TARS1: variants seen among roughly 807,000 people sequenced by gnomAD.
TARS1 encodes threonyl-tRNA synthetase 1, also known as threonine--tRNA ligase 1, cytoplasmic.
A neutral mutation model predicts 97.7 loss-of-function variants in TARS1; 57 were observed. The ratio of observed to expected loss-of-function variants is 0.58; its 90% confidence interval spans 0.47 to 0.73. The LOEUF (loss-of-function observed/expected upper bound fraction) is 0.73, where lower values mean the gene tolerates loss of function less well. Ranked by LOEUF, TARS1 falls within the 30% of genes least tolerant of loss-of-function variation. TARS1 has a pLI of 0.00. For synonymous variants in TARS1, 312 were observed against 293.7 expected, an observed-to-expected ratio of 1.06 and a Z score of -0.64; for missense variants, 806 against 888.3, an observed-to-expected ratio of 0.91 and a Z score of 1.18.
intron 3 of TARS1, among the ~76,000 whole-genome samples, chr5:33,449,445 C>CTTTTTTTTTTT (rs57691465): frequency 8.8e-4 from 61 of 69,160 alleles, no homozygotes; most frequent in African/African-American, 1.6e-3. Flanking sequence ...TTTTTTCTTT[C>CTTTTTTTTTTT]TTTTTTTTTT....
chr5:33,448,538 C>T lies in TARS1; in HGVS notation c.139-3C>T, dbSNP rs756133250. The T allele has an allele frequency of 1.3e-6, 2 of 1,557,718 alleles. No individual in the cohort carries two copies. Among genetic ancestry groups the T allele is most frequent in the South Asian group, 2.4e-5 (2 of 81,988 alleles). The stretch of plus-strand genomic sequence containing the variant: ...ATTTCCTGATTTGTTTGTTGTCTTG[C>T]AGTTGAATCCTTGGCCTGAATATAT... On this transcript the variant is annotated splice_region_variant and splice_polypyrimidine_tract_variant and intron_variant, in intron 2 of 18. Transcript: ENST00000265112.
At chr5:33,441,516 G>T in intron 1 of TARS1, 1 of 202,368 alleles carries the variant, frequency 4.9e-6, no homozygotes, top group Non-Finnish European at 1.0e-5. Flanking sequence ...ACATTGCAGA[G>T]CCTTATTTAA....
At chr5:33,443,304 T>TCC (rs1491324883) in intron 1 of TARS1, among the ~76,000 whole-genome samples, 1 of 134,098 alleles carries the variant, frequency 7.5e-6, no homozygotes, top group Non-Finnish European at 1.6e-5. Flanking sequence ...TTGTGGTGAT[T>TCC]CCCTCTCTCT....
chr5:33,458,034 C>A (rs1328163004), intron 9 of TARS1, among the ~76,000 whole-genome samples: 1 of 152,108 alleles, frequency 6.6e-6, no homozygotes, highest in African/African-American at 2.4e-5. Context: ...TGGGCCCTTC[C>A]CTGAGGGCTT....
At position 33,460,953 on chromosome 5, in the gene TARS1, A is replaced by G; in HGVS notation, c.1302A>G (p.Leu434=). The G allele has an allele frequency of 6.2e-7, 1 of 1,614,136 alleles. No individual in the cohort carries two copies. The highest frequency in any genetic ancestry group is 8.5e-7 in the Non-Finnish European group (1 of 1,180,024). The change falls in exon 12 of 19, where the codon CTA becomes CTG. Residue 434 remains leucine (L), a synonymous_variant. Transcript: ENST00000265112. The stretch of plus-strand genomic sequence containing the variant: ...CCTGGCGAGAACTGCCTCTGCGGCT[A>G]GCTGATTTTGGGGTACTTCATAGGA... ...PRSWRELPLR[L]ADFGVLHRNE...
Position 33,453,341 on chromosome 5 carries a change from G to A in TARS1, c.382G>A (p.Asp128Asn). Residue 128 changes from aspartate to asparagine, a missense_variant, in exon 4 of 19, where the codon GAC (aspartate) becomes AAC (asparagine). Asp to Asn is a conservative substitution (Grantham distance 23, BLOSUM62 1). Coordinates refer to ENST00000265112, the MANE Select transcript of TARS1 (RefSeq NM_152295.5). Reference sequence around the variant, plus strand: ...TGCTAAAGTAAATAATGTTGTGTGGGACCTGGACCGCCCTCTGGAAGAAGA... The same window carrying A: ...TGCTAAAGTAAATAATGTTGTGTGGAACCTGGACCGCCCTCTGGAAGAAGA... Reference protein sequence around the residue: ...VIAKVNNVVWDLDRPLEEDCT... With the variant: ...VIAKVNNVVWNLDRPLEEDCT... 6.2e-7 allele frequency: 1 copy of A among 1,612,036 alleles called. No individual in the cohort carries two copies. The highest frequency in any genetic ancestry group is 1.3e-5 in the African/African-American group (1 of 74,372).
In TARS1 at chr5:33,445,417, A is replaced by G; in HGVS notation, c.138+13A>G. The G allele has an allele frequency of 1.9e-6, 3 of 1,607,360 alleles. No homozygotes were observed. Among genetic ancestry groups the G allele is most frequent in the African/African-American group, 1.4e-5 (1 of 71,410 alleles). ...AGGTCGAGCTGAGGTAAAAGTTATC[A>G]TCACAGAGGGCTCTGTTATCAGAGG... is the stretch of plus-strand genomic sequence containing the variant. On this transcript the variant is annotated intron_variant, in intron 2 of 18. Coordinates refer to ENST00000265112, the MANE Select transcript of TARS1 (RefSeq NM_152295.5).
chr5:33,441,191 G>T, intron 1 of TARS1, 48 bp downstream of exon 1: 4 of 1,608,258 alleles, frequency 2.5e-6, no homozygotes, highest in Non-Finnish European at 3.4e-6. Context: ...ACTCTAGTGG[G>T]TGCAGACGCT....
intron 10 of TARS1, 62 bp from the exon 11 acceptor site, chr5:33,459,633 T>G: frequency 1.9e-6 from 3 of 1,580,452 alleles, no homozygotes; most frequent in Non-Finnish European, 2.6e-6. Context: ...TTTAAGTTTT[T>G]ACTCCCACTT....
chr5:33,448,686 C>A lies in TARS1; in HGVS notation c.284C>A (p.Ala95Glu), dbSNP rs141305584. 13,438 of 1,613,540 alleles carry A rather than the reference C, an allele frequency of 8.3e-3. 59 individuals are homozygous for A. The highest frequency in any genetic ancestry group is 0.011 in the Non-Finnish European group (12,557 of 1,179,728). The stretch of plus-strand genomic sequence containing the variant: ...TTGCCTGATGGTAAACAGGTTGATG[C>A]GGAATCTTGGAAAACTACACCATAT... ...VTLPDGKQVD[A>E]ESWKTTPYQI... is the part of the protein sequence containing the mutation. Residue 95 changes from alanine (A) to glutamate (E), a missense_variant, in exon 3 of 19, where the codon GCG (alanine) becomes GAG (glutamate). By Grantham distance (107) the Ala-to-Glu change is moderately radical. Transcript: ENST00000265112.
chr5:33,456,999 G>T (rs1742048353), intron 8 of TARS1, among the ~76,000 whole-genome samples: 6 of 152,142 alleles, frequency 3.9e-5, no homozygotes, highest in Admixed American at 3.9e-4. Flanking sequence ...GGGTCTCCCT[G>T]TGTTTCCCAG....
chr5:33,455,720 G>A lies in TARS1; in HGVS notation c.693+16G>A. On this transcript the variant is annotated intron_variant, in intron 6 of 18. Transcript: ENST00000265112. ...AATGTTTAAGGTAAATTGAACCATA[G>A]TGCGTGGCCCCCACTGTTAATATCA... The A allele has an allele frequency of 6.6e-7, 1 of 1,521,942 alleles. No individual in the cohort carries two copies. The highest frequency in any genetic ancestry group is 9.1e-7 in the Non-Finnish European group (1 of 1,098,058). The allele number at this position is 1,521,942 out of a possible 1,614,324, so 94.3% of individuals were successfully genotyped here.
In TARS1 at chr5:33,461,274, A is replaced by C. The variant is rs780075241; in HGVS notation, c.1530A>C (p.Glu510Asp). ...TRPEKFLGDI[E>D]VWDQAEKQLE... ...CGGAAAAATTCCTTGGAGATATCGA[A>C]GTATGGGATCAAGCTGAGAAAGTAA... Residue 510 changes from glutamate (E) to aspartate (D), a missense_variant, in exon 13 of 19, where the codon GAA becomes GAC. By Grantham distance (45) the Glu-to-Asp change is conservative. Around this residue, in one of 3 missense-constraint regions of TARS1, gnomAD observed 446 missense variants for 511.0 expected, o/e 0.87. Coordinates refer to ENST00000265112, the MANE Select transcript of TARS1 (RefSeq NM_152295.5). 1.2e-6 allele frequency: 2 copies of C among 1,612,634 alleles called. No homozygotes were observed. Among genetic ancestry groups the C allele is most frequent in the Admixed American group, 3.3e-5 (2 of 59,756 alleles).
At chr5:33,464,166 C>T (rs1347386264) in intron 17 of TARS1, among the ~76,000 whole-genome samples, 3 of 152,194 alleles carry the variant, frequency 2.0e-5, no homozygotes, top group Non-Finnish European at 4.4e-5. Flanking sequence ...GTCCTCCCAC[C>T]TTGGCCTCCC....
In TARS1 at chr5:33,445,401, T is replaced by C. The variant is rs535607768; in HGVS notation, c.135T>C (p.Ala45=). The change falls in exon 2 of 19, where the codon GCT becomes GCC. Residue 45 remains alanine (A), a synonymous_variant. Transcript: ENST00000265112. ...NKEGSGDGGR[A]ELNPWPEYIY... The stretch of plus-strand genomic sequence containing the variant: ...AAGGATCTGGAGATGGAGGTCGAGC[T>C]GAGGTAAAAGTTATCATCACAGAGG... The C allele has an allele frequency of 2.2e-5, 35 of 1,612,704 alleles. No individual in the cohort carries two copies. The South Asian group carries it at 3.6e-4, about 17-fold the overall frequency.
In TARS1 at chr5:33,459,768, C is replaced by T. The variant is rs996780252; in HGVS notation, c.1157C>T (p.Ser386Leu). Residue 386 changes from serine (S) to leucine (L), a missense_variant, in exon 11 of 19, where the codon TCG becomes TTG. By Grantham distance (145) the Ser-to-Leu change is moderately radical. Transcript: ENST00000265112. Reference sequence around the variant, plus strand: ...TTCAACAGCCGACTCTGGATGACCTCGGGCCACTGGCAGCACTACAGCGAG... The same window carrying T: ...TTCAACAGCCGACTCTGGATGACCTTGGGCCACTGGCAGCACTACAGCGAG... ...NIFNSRLWMT[S>L]GHWQHYSENM... 1.2e-6 allele frequency: 2 copies of T among 1,614,038 alleles called. No homozygotes were observed. Among genetic ancestry groups the T allele is most frequent in the Non-Finnish European group, 1.7e-6 (2 of 1,180,038 alleles).
Position 33,441,051 on chromosome 5 carries a change from C to A in TARS1, c.-36C>A. 1 of 1,614,076 alleles carries A rather than the reference C, an allele frequency of 6.2e-7. No individual in the cohort carries two copies. The highest frequency in any genetic ancestry group is 8.5e-7 in the Non-Finnish European group (1 of 1,179,948). ...TCTTGGCTCCTCTCCTCTAGGCCGTCGCTTTCGGGTTCTCTCATCGCTTCG... is the reference window on the plus strand; with the variant it reads ...TCTTGGCTCCTCTCCTCTAGGCCGTAGCTTTCGGGTTCTCTCATCGCTTCG... On this transcript the variant is annotated 5_prime_UTR_variant, in exon 1 of 19. Transcript: ENST00000265112.
intron 9 of TARS1, 38 bp from the exon 10 acceptor site, chr5:33,458,528 G>A (rs771337014): frequency 1.1e-5 from 17 of 1,551,538 alleles, no homozygotes; most frequent in Non-Finnish European, 1.5e-5. Flanking sequence ...ACGTATACGT[G>A]ACGTACATAA....
Position 33,463,803 on chromosome 5 carries a change from C to T in TARS1, c.1886C>T (p.Thr629Ile). Reference protein sequence around the residue: ...RQVMVVPVGPTCDEYAQKVRQ... With the variant: ...RQVMVVPVGPICDEYAQKVRQ... ...GTAATGGTAGTTCCAGTGGGACCAA[C>T]CTGTGATGAATATGCCCAAAAGGTA... The change falls in exon 17 of 19, where the codon ACC becomes ATC. Residue 629 changes from threonine to isoleucine, a missense_variant. By Grantham distance (89) the Thr-to-Ile change is moderately conservative. Around this residue, in one of 3 missense-constraint regions of TARS1, gnomAD observed 446 missense variants for 511.0 expected, o/e 0.87. Coordinates refer to ENST00000265112, the MANE Select transcript of TARS1 (RefSeq NM_152295.5). 6.2e-7 allele frequency: 1 copy of T among 1,612,316 alleles called. No homozygotes were observed. Among genetic ancestry groups the T allele is most frequent in the South Asian group, 1.1e-5 (1 of 90,626 alleles).
Sources: gnomAD v4.1 joint callset for allele counts (sites outside exome capture counted in the v4.1 genomes callset) on GRCh38, gnomAD v4.1.1 for gene constraint, gnomAD v4.1.1 regional missense constraint, MANE v1.5 for transcripts, NCBI Gene and HGNC (gene_info 2026-07-23, HGNC 2026-07-21) for gene names.